Variants in NLRP11 observed in about 807,000 individuals in gnomAD.
NLRP11 encodes the protein NACHT, LRR and PYD domains-containing protein 11.
A neutral mutation model predicts 79.3 loss-of-function variants in NLRP11; 53 were observed. That is an observed-to-expected ratio of 0.67 (90% CI 0.54 to 0.84). The LOEUF is 0.84. NLRP11 is among the 40% of genes least tolerant of loss of function. The pLI is 0.00. For missense variants in NLRP11, 1,264 were observed against 1,255.0 expected, an observed-to-expected ratio of 1.01 and a Z score of -0.11; for synonymous variants, 518 against 462.6, an observed-to-expected ratio of 1.12 and a Z score of -1.54.
chr19:55,819,881 C>T (rs560348614), intron 1 of NLRP11, among the ~76,000 whole-genome samples: 2 of 152,202 alleles, frequency 1.3e-5, no homozygotes, highest in Non-Finnish European at 2.9e-5. Context: ...AAGAAGTAGG[C>T]ATATTAAGCT....
At chr19:55,813,431 G>T (rs905489915) in intron 2 of NLRP11, among the ~76,000 whole-genome samples, 2 of 152,104 alleles carry the variant, frequency 1.3e-5, no homozygotes, top group Non-Finnish European at 2.9e-5. Flanking sequence ...GGCCCATCAG[G>T]CATCTACCAA....
intron 3 of NLRP11, 57 bp downstream of exon 3, chr19:55,808,712 G>C (rs1318455184): frequency 3.3e-6 from 5 of 1,499,354 alleles, no homozygotes; most frequent in Non-Finnish European, 4.5e-6. Flanking sequence ...ACAAGCTCTA[G>C]AATTATGGGC....
At chr19:55,801,664 G>A in exon 5 of NLRP11, 1 of 1,613,878 alleles carries the variant, frequency 6.2e-7, no homozygotes, top group Non-Finnish European at 8.5e-7. Flanking sequence ...TGATACTCAG[G>A]TATGTCAGGC....
At chr19:55,792,546 G>A (rs913433498) in intron 6 of NLRP11, 75 bp from the exon 7 acceptor site, 34 of 1,147,968 alleles carry the variant, frequency 3.0e-5, no homozygotes, top group East Asian at 7.1e-5. Context: ...CCCACCCCAC[G>A]CCCACGGGCG....
intron 1 of NLRP11, among the ~76,000 whole-genome samples, chr19:55,822,923 G>GGCCT (rs1256697061): frequency 3.3e-5 from 5 of 152,228 alleles, no homozygotes; most frequent in African/African-American, 1.2e-4. Context: ...AGCTCAAGGA[G>GGCCT]GCCTGCCTGC....
chr19:55,830,294 C>T (rs1029334347), intron 1 of NLRP11, among the ~76,000 whole-genome samples: 1 of 152,118 alleles, frequency 6.6e-6, no homozygotes, highest in Non-Finnish European at 1.5e-5. Flanking sequence ...TGCCTTTGAG[C>T]CCCATCCTTG....
rs745850806 is a variant in NLRP11, at chr19:55,809,318, T to G, written c.1292A>C (p.Gln431Pro). 2 of 1,614,032 alleles carry G rather than the reference T, an allele frequency of 1.2e-6. No homozygotes were observed. Among genetic ancestry groups the G allele is most frequent in the South Asian group, 1.1e-5 (1 of 91,074 alleles). ...GCTCGGCAAAAGAATATTCGCGGCC[T>G]GCAACACAGAGACATCAGCCTCAGT... Residue 431 changes from glutamine (Q) to proline (P), a missense_variant, in exon 3 of 10, where the codon CAG becomes CCG. Gln to Pro is a moderately conservative substitution (Grantham distance 76). Coordinates refer to ENST00000589093, the Ensembl canonical transcript of NLRP11. The surrounding 1 kb of genome is among the most constrained non-coding windows in gnomAD (Gnocchi z 4.5).
At chr19:55,811,023 C>T (rs549427329) in intron 2 of NLRP11, among the ~76,000 whole-genome samples, 1 of 152,270 alleles carries the variant, frequency 6.6e-6, no homozygotes, top group South Asian at 2.1e-4. Flanking sequence ...AACTCGAGTT[C>T]AGGGACTGTT....
chr19:55,789,341 T>C (rs753175866), exon 8 of NLRP11: 2 of 1,613,966 alleles, frequency 1.2e-6, no homozygotes, highest in Non-Finnish European at 8.5e-7. Flanking sequence ...TTTTCATTAG[T>C]AGCAATAACT....
intron 5 of NLRP11, among the ~76,000 whole-genome samples, chr19:55,800,088 G>C (rs910602097): frequency 6.6e-6 from 1 of 152,176 alleles, no homozygotes; most frequent in African/African-American, 2.4e-5. Flanking sequence ...TTGCTTACAA[G>C]ACAAAGCAGC....
At position 55,823,672 on chromosome 19, in the gene NLRP11, G is replaced by C. The variant is rs1023924627; in HGVS notation, c.-62-5436C>G. Among the ~76,000 whole-genome samples, 17 of 148,498 alleles carry C rather than the reference G, an allele frequency of 1.1e-4. 1 individual carries two copies. Among genetic ancestry groups the C allele is most frequent in the Middle Eastern group, 3.2e-3 (1 of 310 alleles). ...GGAAGAAAGGGTATCAGCAATGGAA[G>C]ACGAAATGAATGAAATGAAGCGAGA... is the stretch of plus-strand genomic sequence containing the variant. On this transcript the variant is annotated intron_variant, in intron 1 of 9. Coordinates refer to ENST00000589093, the Ensembl canonical transcript of NLRP11.
chr19:55,794,780 A>C (rs1978654078), intron 6 of NLRP11, among the ~76,000 whole-genome samples: 1 of 152,222 alleles, frequency 6.6e-6, no homozygotes, highest in African/African-American at 2.4e-5. Context: ...AATAAATAAA[A>C]GCATACATAA....
chr19:55,807,596 G>A lies in NLRP11; in HGVS notation c.2003+257C>T, dbSNP rs544750381. On this transcript the variant is annotated intron_variant, in intron 4 of 9. Coordinates refer to ENST00000589093, the Ensembl canonical transcript of NLRP11. ...ATCAAGGAAGCTCCTGAAGCTTCTA[G>A]ATAAACCTTTCCTTCTCCCTTCTGT... Among the ~76,000 whole-genome samples the A allele has an allele frequency of 2.6e-5, 4 of 152,272 alleles. No individual in the cohort carries two copies. The South Asian group carries it at 8.3e-4, about 32-fold the overall frequency.
At chr19:55,810,790 G>A (rs1027430975) in intron 2 of NLRP11, among the ~76,000 whole-genome samples, 14 of 152,292 alleles carry the variant, frequency 9.2e-5, no homozygotes, top group East Asian at 7.7e-4. Flanking sequence ...GAGCCACTGC[G>A]CCCGGCCCAT....
intron 1 of NLRP11, among the ~76,000 whole-genome samples, chr19:55,820,522 G>T (rs548019125): frequency 6.6e-6 from 1 of 152,202 alleles, no homozygotes; most frequent in African/African-American, 2.4e-5. Context: ...GGAGGAAAGG[G>T]GAAGCAATCG....
chr19:55,805,135 G>A (rs1303372517), intron 4 of NLRP11, among the ~76,000 whole-genome samples: 1 of 151,958 alleles, frequency 6.6e-6, no homozygotes, highest in Non-Finnish European at 1.5e-5. Flanking sequence ...CACCACCACC[G>A]GCCCTCACCC....
rs553756401 is a variant in NLRP11, at chr19:55,794,516, C to T, written c.2342+1564G>A. On this transcript the variant is annotated intron_variant, in intron 6 of 9. Transcript: ENST00000589093. Reference sequence around the variant, plus strand: ...TGGCTCACATCTGTAATCCCAGCACCTTGGGAGGCTGAAGTGGGTGGATCA... The same window carrying T: ...TGGCTCACATCTGTAATCCCAGCACTTTGGGAGGCTGAAGTGGGTGGATCA... Among the ~76,000 whole-genome samples the T allele has an allele frequency of 1.5e-3, 222 of 152,234 alleles. 2 individuals are homozygous for T. The highest frequency in any genetic ancestry group is 2.9e-3 in the South Asian group (14 of 4,822).
intron 6 of NLRP11, among the ~76,000 whole-genome samples, chr19:55,792,760 C>T (rs990219286): frequency 6.6e-6 from 1 of 152,162 alleles, no homozygotes; most frequent in South Asian, 2.1e-4. Context: ...TTTCTCCCAT[C>T]GTTTGATAAA....
At chr19:55,801,540 T>C (rs373926919) in intron 5 of NLRP11, 32 bp downstream of exon 5, 4 of 1,600,330 alleles carry the variant, frequency 2.5e-6, no homozygotes, top group Non-Finnish European at 3.4e-6. Context: ...TCCCCTCACA[T>C]GCACTGAGCT....
Sources: allele counts gnomAD v4.1 joint callset (sites outside exome capture counted in the v4.1 genomes callset), GRCh38; gene constraint gnomAD v4.1.1; non-coding constraint Gnocchi (gnomAD v3.1); transcripts MANE v1.5; gene names NCBI Gene and HGNC (gene_info 2026-07-23, HGNC 2026-07-21).